The following LRRC43 variants were observed in gnomAD, a reference collection of about 807,000 sequenced individuals.
LRRC43 encodes leucine-rich repeat-containing protein 43.
In LRRC43, 62 loss-of-function variants were observed where a neutral mutation model predicts 64.3. The ratio of observed to expected loss-of-function variants is 0.96; its 90% CI spans 0.79 to 1.19. LRRC43 has a LOEUF of 1.19. Among genes scored for constraint, LRRC43 ranks in the 50% most tolerant of loss-of-function variants. The pLI, the probability that LRRC43 is intolerant of heterozygous loss-of-function variation, is 0.00. For missense variants in LRRC43, 868 were observed against 845.0 expected (o/e 1.03, Z -0.34); for synonymous variants, 422 against 382.3 (o/e 1.10, Z -1.21).
At chr12:122,198,142 G>A (rs1316801263) in intron 7 of LRRC43, among the ~76,000 whole-genome samples, 5 of 151,996 alleles carry the variant, frequency 3.3e-5, no homozygotes, top group South Asian at 2.1e-4. Flanking sequence ...CACCATGCCC[G>A]GCTAATTTTT....
chr12:122,195,608 C>G (rs1019601762), intron 7 of LRRC43, among the ~76,000 whole-genome samples: 4 of 152,160 alleles, frequency 2.6e-5, no homozygotes, highest in Non-Finnish European at 5.9e-5. Flanking sequence ...GAAAACTCAG[C>G]TGTTCATCTT....
chr12:122,178,712 C>G (rs2136022836), upstream of LRRC43, among the ~76,000 whole-genome samples: 1 of 151,320 alleles, frequency 6.6e-6, no homozygotes, highest in Admixed American at 6.6e-5. Flanking sequence ...CTGCCTCAGC[C>G]TCTTGAGTAG....
At chr12:122,199,655 C>G (rs1399700927) in intron 7 of LRRC43, among the ~76,000 whole-genome samples, 1 of 151,760 alleles carries the variant, frequency 6.6e-6, no homozygotes, top group Non-Finnish European at 1.5e-5. Flanking sequence ...ATGAACATGG[C>G]TCACTGCAGC....
intron 7 of LRRC43, among the ~76,000 whole-genome samples, chr12:122,198,074 G>A (rs577726636): frequency 4.0e-5 from 6 of 151,856 alleles, no homozygotes; most frequent in African/African-American, 1.2e-4. Flanking sequence ...TCCGCCTCCC[G>A]GGTTCAAGCG....
chr12:122,180,340 G>A (rs757178740), upstream of LRRC43, among the ~76,000 whole-genome samples: 1 of 152,060 alleles, frequency 6.6e-6, no homozygotes, highest in African/African-American at 2.4e-5. Context: ...CCAGCATGGA[G>A]AAACCCTGTC....
rs530680554 is a variant in LRRC43 at position 122,174,272 on chromosome 12, G to C, written c.-406+6490G>C. 54 of 1,414,356 alleles carry C rather than the reference G, an allele frequency of 3.8e-5. 1 individual carries two copies. The African/African-American group carries it at 6.2e-4, about 16-fold the overall frequency. 87.6% of individuals were successfully genotyped at this position (1,414,356 alleles called of 1,614,324 possible). Reference sequence around the variant, plus strand: ...TATAAAGGGCCAGGGTGAGGAGAAAGAGCAGTCAGCGTCCCGCCCATGGCA... The same window carrying C: ...TATAAAGGGCCAGGGTGAGGAGAAACAGCAGTCAGCGTCCCGCCCATGGCA... On this transcript the variant is annotated intron_variant, in intron 1 of 5. Coordinates refer to the LRRC43 transcript ENST00000537729.
intron 1 of LRRC43, among the ~76,000 whole-genome samples, chr12:122,170,449 G>A (rs1465242985): frequency 1.3e-5 from 2 of 152,026 alleles, no homozygotes; most frequent in African/African-American, 4.8e-5. Flanking sequence ...GGCTAACACG[G>A]TGAAACCCCG....
rs183582851 is a variant in LRRC43 at position 122,192,371 on chromosome 12, C to T, written c.1090-374C>T. Among the ~76,000 whole-genome samples, 260 of 151,532 alleles carry T rather than the reference C, an allele frequency of 1.7e-3. 1 individual carries two copies. The highest frequency in any genetic ancestry group is 6.0e-3 in the African/African-American group (248 of 41,316). On this transcript the variant is annotated intron_variant, in intron 6 of 11. Transcript: ENST00000339777. ...CAGGATGGCCTGGATCTCCTGACCT[C>T]GTGATCCGCCTGCCTCGGCCTCCCA...
intron 1 of LRRC43, among the ~76,000 whole-genome samples, chr12:122,168,597 T>A (rs1593136852): frequency 6.6e-6 from 1 of 152,132 alleles, no homozygotes; most frequent in Non-Finnish European, 1.5e-5. Context: ...CTATTTTAAG[T>A]AATTTTAGAT....
chr12:122,173,927 G>A (rs1953513090), intron 1 of LRRC43: 1 of 1,614,026 alleles, frequency 6.2e-7, no homozygotes, highest in Non-Finnish European at 8.5e-7. Flanking sequence ...AAACGGACGG[G>A]CAACGTGTGG....
intron 7 of LRRC43, among the ~76,000 whole-genome samples, chr12:122,194,958 G>A (rs2136053402): frequency 6.6e-6 from 1 of 152,182 alleles, no homozygotes; most frequent in South Asian, 2.1e-4. Flanking sequence ...ACTGTCTTTT[G>A]TATTTGCCTA....
chr12:122,200,548 T>C lies in LRRC43; in HGVS notation c.1508T>C (p.Val503Ala), dbSNP rs182491471. ...TGCCCCTAGATTCTCTCCTGGCCTGTGGTGCTACCTGCTGTTGACAGTCCC... is the reference window on the plus strand; with the variant it reads ...TGCCCCTAGATTCTCTCCTGGCCTGCGGTGCTACCTGCTGTTGACAGTCCC... ...IVEEKILSWP[V>A]VLPAVDSPLS... The change falls in exon 9 of 12, where the codon GTG becomes GCG. Residue 503 changes from valine (V) to alanine (A), a missense_variant. Physicochemically the swap from Val to Ala is moderately conservative, Grantham distance 64. Coordinates refer to ENST00000339777, the MANE Select transcript of LRRC43 (RefSeq NM_001098519.2). This position sits in a 1 kb window ranked among gnomAD's most constrained non-coding sequence, Gnocchi z 4.6. 3.8e-4 allele frequency: 619 copies of C among 1,613,800 alleles called. 4 individuals are homozygous for C. Among genetic ancestry groups the C allele is most frequent in the Non-Finnish European group, 2.2e-4 (262 of 1,179,960 alleles).
intron 1 of LRRC43, among the ~76,000 whole-genome samples, chr12:122,177,067 C>T (rs1953542399): frequency 6.6e-6 from 1 of 152,176 alleles, no homozygotes; most frequent in South Asian, 2.1e-4. Context: ...GCATGACCTT[C>T]ATCCACAGGT....
intron 1 of LRRC43, chr12:122,172,119 A>C (rs1159326888): frequency 3.5e-6 from 1 of 283,954 alleles, no homozygotes; most frequent in African/African-American, 2.2e-5. Context: ...AATATCAATA[A>C]ATTAACATAG....
intron 5 of LRRC43, 148 bp from the exon 6 acceptor site, chr12:122,191,232 A>C (rs1219557349): frequency 1.6e-6 from 1 of 639,436 alleles, no homozygotes; most frequent in Non-Finnish European, 2.7e-6. Flanking sequence ...AGCTTGCCAG[A>C]GCTGTGACAT....
chr12:122,193,607 C>T (rs2136050947), intron 7 of LRRC43, among the ~76,000 whole-genome samples: 1 of 152,254 alleles, frequency 6.6e-6, no homozygotes, highest in Non-Finnish European at 1.5e-5. Context: ...CTCTGTCACC[C>T]AGGCTGGAGT....
chr12:122,195,182 A>G (rs886096259), intron 7 of LRRC43, among the ~76,000 whole-genome samples: 1 of 151,916 alleles, frequency 6.6e-6, no homozygotes, highest in South Asian at 2.1e-4. Flanking sequence ...ATTTTCAAAG[A>G]TAGTTTTGCT....
chr12:122,196,466 GA>G (rs1337053253), intron 7 of LRRC43, among the ~76,000 whole-genome samples: 1 of 152,148 alleles, frequency 6.6e-6, no homozygotes, highest in Non-Finnish European at 1.5e-5. Context: ...AAATCAGATG[GA>G]AAATGGTCTG....
intron 4 of LRRC43, 67 bp downstream of exon 4, chr12:122,187,907 C>A: frequency 1.3e-6 from 2 of 1,542,492 alleles, no homozygotes; most frequent in East Asian, 2.3e-5. Flanking sequence ...CGATTCTACC[C>A]CAGTGGCTTG....
Sources: gnomAD v4.1 joint callset for allele counts (sites outside exome capture counted in the v4.1 genomes callset) on GRCh38, gnomAD v4.1.1 for gene constraint, Gnocchi (gnomAD v3.1) non-coding constraint, MANE v1.5 for transcripts, NCBI Gene and HGNC (gene_info 2026-07-23, HGNC 2026-07-21) for gene names.